The following RAB3GAP2 variants were observed in gnomAD, a reference collection of about 807,000 sequenced individuals.
RAB3GAP2 encodes RAB3 GTPase activating non-catalytic protein subunit 2.
Under a neutral mutation model 185.3 loss-of-function variants are expected in RAB3GAP2, and 87 were observed. The observed-to-expected ratio is 0.47, with a 90% CI of 0.39 to 0.56. The LOEUF is 0.56. Among genes scored for constraint, RAB3GAP2 ranks in the 20% least tolerant of loss-of-function variants. RAB3GAP2 has a pLI of 0.00. For missense variants in RAB3GAP2, 1,492 were observed against 1,638.2 expected, an observed-to-expected ratio of 0.91 and a Z score of 1.54; for synonymous variants, 554 against 576.1, an observed-to-expected ratio of 0.96 and a Z score of 0.55.
In RAB3GAP2 at chr1:220,253,660, G is replaced by A. The variant is rs61197814; in HGVS notation, c.115+18563C>T. The A allele has an allele frequency of 2.2e-3, 3,516 of 1,599,682 alleles. 105 individuals carry two copies. The East Asian group carries it at 0.063, about 29-fold the overall frequency. On this transcript the variant is annotated intron_variant, in intron 1 of 34. Coordinates refer to ENST00000358951, the MANE Select transcript of RAB3GAP2 (RefSeq NM_012414.4). ...GCCTCTTCTTTATGAAGCAAAGTGT[G>A]TAAAGGTTGCCATAAAGGACAAACA... is the stretch of plus-strand genomic sequence containing the variant.
chr1:220,268,217 A>AT (rs1285047810), intron 1 of RAB3GAP2, among the ~76,000 whole-genome samples: 13 of 152,174 alleles, frequency 8.5e-5, no homozygotes, highest in Non-Finnish European at 2.9e-5. Flanking sequence ...TGCTAATGTC[A>AT]TTTTTTCTCT....
chr1:220,160,507 C>T (rs1038406150), intron 28 of RAB3GAP2, among the ~76,000 whole-genome samples: 2 of 152,190 alleles, frequency 1.3e-5, no homozygotes, highest in African/African-American at 4.8e-5. Context: ...TTTACTGAGC[C>T]CTTACCACAT....
intron 1 of RAB3GAP2, among the ~76,000 whole-genome samples, chr1:220,265,539 A>AGAAAGTTCT (rs1347164997): frequency 9.2e-5 from 14 of 152,098 alleles, no homozygotes; most frequent in African/African-American, 3.4e-4. Context: ...TGTAAATTTC[A>AGAAAGTTCT]GAAAGTTCTG....
chr1:220,211,352 C>T, intron 4 of RAB3GAP2: 1 of 471,458 alleles, frequency 2.1e-6, no homozygotes, highest in South Asian at 1.6e-5. Context: ...TTCCTACTAT[C>T]TCTCTCTCTC....
At chr1:220,269,577 C>A (rs1571939657) in intron 1 of RAB3GAP2, among the ~76,000 whole-genome samples, 2 of 152,216 alleles carry the variant, frequency 1.3e-5, no homozygotes, top group South Asian at 2.1e-4. Context: ...CAAACATTAG[C>A]CGGGCATGGT....
At chr1:220,260,562 A>G (rs1660113937) in intron 1 of RAB3GAP2, among the ~76,000 whole-genome samples, 1 of 151,786 alleles carries the variant, frequency 6.6e-6, no homozygotes, top group African/African-American at 2.4e-5. Context: ...ACATGGACAC[A>G]TAGGGGAGGA....
At position 220,163,611 on chromosome 1, in the gene RAB3GAP2, C is replaced by T. The variant is rs898867936; in HGVS notation, c.3154+1122G>A. Among the ~76,000 whole-genome samples the T allele has an allele frequency of 5.9e-5, 9 of 151,338 alleles. No individual in the cohort carries two copies. In the South Asian group the frequency reaches 6.3e-4, roughly 11 times the overall value. On this transcript the variant is annotated intron_variant, in intron 27 of 34. Transcript: ENST00000358951. ...TCTCCTGACCTCGTGATCCGCCCGC[C>T]TCGGCCTCCCAAAGTGTTGGGATTA...
chr1:220,256,482 AC>A (rs1277304952), intron 1 of RAB3GAP2, among the ~76,000 whole-genome samples: 2 of 152,076 alleles, frequency 1.3e-5, no homozygotes, highest in African/African-American at 4.8e-5. Context: ...AAGACGCAAA[AC>A]CTTCAAGGAC....
At chr1:220,240,228 C>T (rs1299984568) in intron 1 of RAB3GAP2, among the ~76,000 whole-genome samples, 3 of 152,066 alleles carry the variant, frequency 2.0e-5, no homozygotes, top group African/African-American at 7.2e-5. Flanking sequence ...CTAAAGTGGC[C>T]ATGTTACAAC....
At chr1:220,267,166 G>A in intron 1 of RAB3GAP2, 1 of 1,099,360 alleles carries the variant, frequency 9.1e-7, no homozygotes, top group East Asian at 2.4e-5. Context: ...ATGAATAACT[G>A]TTTTTGAATG....
chr1:220,233,964 G>C (rs1031615044), intron 1 of RAB3GAP2, among the ~76,000 whole-genome samples: 39 of 152,146 alleles, frequency 2.6e-4, no homozygotes, highest in African/African-American at 8.7e-4. Flanking sequence ...GCCTCCCAAA[G>C]TGTTGGGATT....
chr1:220,242,086 C>A (rs1268945675), intron 1 of RAB3GAP2, among the ~76,000 whole-genome samples: 1 of 151,986 alleles, frequency 6.6e-6, no homozygotes, highest in East Asian at 1.9e-4. Context: ...TAAATCCTTC[C>A]TAAACCAGCC....
chr1:220,162,051 C>T (rs1036671409), intron 28 of RAB3GAP2, 147 bp downstream of exon 28: 1 of 664,846 alleles, frequency 1.5e-6, no homozygotes, highest in Non-Finnish European at 2.7e-6. Context: ...AATGCCAGTA[C>T]TGGGCATTAC....
rs201411350 is a variant in RAB3GAP2 at position 220,261,078 on chromosome 1, A to AG, written c.115+11144dup. ...TCTGATTTTACATACTTTAAAAAAA[A>AG]GGGGGGGCAATGTGGTAAGTAATGT... On this transcript the variant is annotated intron_variant, in intron 1 of 34. Transcript: ENST00000358951. Among the ~76,000 whole-genome samples, 742 of 152,122 alleles carry AG rather than the reference A, an allele frequency of 4.9e-3. 4 individuals are homozygous for AG. Among genetic ancestry groups the AG allele is most frequent in the African/African-American group, 0.017 (705 of 41,500 alleles).
At chr1:220,264,139 AAC>A (rs981047625) in intron 1 of RAB3GAP2, among the ~76,000 whole-genome samples, 8 of 151,950 alleles carry the variant, frequency 5.3e-5, no homozygotes, top group African/African-American at 1.9e-4. Flanking sequence ...TATTCTAATA[AAC>A]ACAGATTTTT....
At chr1:220,191,494 A>G (rs1490308902) in intron 13 of RAB3GAP2, among the ~76,000 whole-genome samples, 2 of 152,166 alleles carry the variant, frequency 1.3e-5, no homozygotes, top group East Asian at 3.9e-4. Context: ...CTATTTTGCT[A>G]TATTTACTTC....
At chr1:220,255,205 GA>G (rs950428221) in intron 1 of RAB3GAP2, among the ~76,000 whole-genome samples, 34 of 131,498 alleles carry the variant, frequency 2.6e-4, no homozygotes, top group South Asian at 1.2e-3. Context: ...AAATTTCAAA[GA>G]AAAAAAAAAG....
At chr1:220,206,941 T>C (rs1409517569) in intron 7 of RAB3GAP2, among the ~76,000 whole-genome samples, 1 of 152,182 alleles carries the variant, frequency 6.6e-6, no homozygotes, top group Non-Finnish European at 1.5e-5. Context: ...ACAGCACCTA[T>C]CAGAGATTGG....
chr1:220,253,551 G>A lies in RAB3GAP2; in HGVS notation c.115+18672C>T, dbSNP rs1659977671. On this transcript the variant is annotated intron_variant, in intron 1 of 34. Coordinates refer to ENST00000358951, the MANE Select transcript of RAB3GAP2 (RefSeq NM_012414.4). Reference sequence around the variant, plus strand: ...GTCGGGGGTGGTGGGAGAAGGAGGAGGCGGCAAATCACTTATAAATGGCGC... The same window carrying A: ...GTCGGGGGTGGTGGGAGAAGGAGGAAGCGGCAAATCACTTATAAATGGCGC... 10 of 1,581,090 alleles carry A rather than the reference G, an allele frequency of 6.3e-6. No homozygotes were observed. The South Asian group carries it at 1.0e-4, about 16-fold the overall frequency.
Sources: gnomAD v4.1 joint callset for allele counts (sites outside exome capture counted in the v4.1 genomes callset) on GRCh38, gnomAD v4.1.1 for gene constraint, MANE v1.5 for transcripts, NCBI Gene and HGNC (gene_info 2026-07-23, HGNC 2026-07-21) for gene names.